LRRC19: variants seen among roughly 807,000 people sequenced by gnomAD.
LRRC19 encodes leucine rich repeat containing 19.
LRRC19 carries 33 observed loss-of-function variants against 33.3 expected under a neutral mutation model. That is an observed-to-expected ratio of 0.99 (90% CI 0.75 to 1.33). The LOEUF is 1.33. LRRC19 is among the 40% of genes most tolerant of loss of function. The probability of loss-of-function intolerance (pLI) is 0.00; values close to 1 mark genes in which losing one functional copy is unlikely to be tolerated. For synonymous variants in LRRC19, 184 were observed against 152.3 expected, an observed-to-expected ratio of 1.21 and a Z score of -1.53; for missense variants, 463 against 417.3, an observed-to-expected ratio of 1.11 and a Z score of -0.95.
In LRRC19 at chr9:26,995,277, C is replaced by CT. The variant is rs1828081986; in HGVS notation, c.*243dup. Reference sequence around the variant, plus strand: ...ACTAGTTCGTATGGTCACCCAAGCACTGCTAAGAATAGTAGTGCTAGTATT... The same window carrying CT: ...ACTAGTTCGTATGGTCACCCAAGCACTTGCTAAGAATAGTAGTGCTAGTATT... On this transcript the variant is annotated 3_prime_UTR_variant, in exon 5 of 5. Coordinates refer to ENST00000380055, the MANE Select transcript of LRRC19 (RefSeq NM_022901.3). The CT allele has an allele frequency of 6.0e-6, 2 of 334,668 alleles. No individual in the cohort carries two copies. The highest frequency in any genetic ancestry group is 4.1e-5 in the African/African-American group (2 of 48,480). 20.7% of individuals were successfully genotyped at this position (334,668 alleles called of 1,614,324 possible).
intron 1 of LRRC19, among the ~76,000 whole-genome samples, chr9:27,003,586 G>A (rs762514790): frequency 6.6e-6 from 1 of 151,874 alleles, no homozygotes; most frequent in South Asian, 2.1e-4. Context: ...AAAGTCTCTC[G>A]CCTCGTTAGC....
intron 1 of LRRC19, among the ~76,000 whole-genome samples, chr9:27,004,820 T>C (rs1305565766): frequency 6.6e-6 from 1 of 152,138 alleles, no homozygotes; most frequent in African/African-American, 2.4e-5. Context: ...CAAAATTACG[T>C]GCATTTTTAC....
chr9:26,996,684 A>C (rs1828176985), intron 3 of LRRC19, among the ~76,000 whole-genome samples, 185 bp from the exon 4 acceptor site: 1 of 152,220 alleles, frequency 6.6e-6, no homozygotes, highest in African/African-American at 2.4e-5. Context: ...TATTTTATAA[A>C]TATGGCTTAA....
At chr9:26,999,231 A>T (rs1056121218) in intron 2 of LRRC19, among the ~76,000 whole-genome samples, 13 of 152,160 alleles carry the variant, frequency 8.5e-5, no homozygotes, top group Non-Finnish European at 1.5e-4. Flanking sequence ...AATAAATAGA[A>T]CTAAGAATAG....
chr9:26,998,013 T>C lies in LRRC19; in HGVS notation c.310A>G (p.Ile104Val). ...ATTACATAGATGGAGTTTCTACAGA[T>C]ATTTAAAATTTCTAGACTGGAGAGG... ...GNLSSLEILNICRNSIYVIQQ... is the reference protein window; with the variant it reads ...GNLSSLEILNVCRNSIYVIQQ... The change falls in exon 3 of 5, where the codon ATC (isoleucine) becomes GTC (valine). Residue 104 changes from isoleucine (I) to valine (V), a missense_variant. Physicochemically the swap from Ile to Val is conservative, Grantham distance 29 (BLOSUM62 3). Transcript: ENST00000380055. The C allele has an allele frequency of 6.2e-7, 1 of 1,613,894 alleles. No homozygotes were observed. Among genetic ancestry groups the C allele is most frequent in the Non-Finnish European group, 8.5e-7 (1 of 1,179,898 alleles).
chr9:26,997,729 T>G lies in LRRC19; in HGVS notation c.594A>C (p.Leu198Phe). 1 of 1,589,522 alleles carries G rather than the reference T, an allele frequency of 6.3e-7. No individual in the cohort carries two copies. Among genetic ancestry groups the G allele is most frequent in the South Asian group, 1.2e-5 (1 of 85,892 alleles). Residue 198 changes from leucine (L) to phenylalanine (F), a missense_variant and splice_region_variant, in exon 3 of 5, where the codon TTA (leucine) becomes TTC (phenylalanine). Transcript: ENST00000380055. ...QNWLNTSNVT[L>F]ENENITMCSY... ...TTTTGCTTAATTATGATAGCTTACC[T>G]AATGTCACATTTGATGTGTTCAACC...
intron 1 of LRRC19, among the ~76,000 whole-genome samples, chr9:26,999,936 A>C (rs1168796858): frequency 6.6e-6 from 1 of 151,850 alleles, no homozygotes; most frequent in Non-Finnish European, 1.5e-5. Flanking sequence ...ATGCCTGGCT[A>C]ATTTTAAAAA....
chr9:26,997,648 A>G, intron 3 of LRRC19, 80 bp downstream of exon 3: 1 of 1,447,370 alleles, frequency 6.9e-7, no homozygotes, highest in South Asian at 1.4e-5. Flanking sequence ...CCTTTTCTTT[A>G]AAACGTGATA....
At position 26,993,999 on chromosome 9, in the gene LRRC19, T is replaced by TTTG. The variant is rs1382875884; in HGVS notation, c.*1521_*1522insCAA. On this transcript the variant is annotated 3_prime_UTR_variant, in exon 5 of 5. Coordinates refer to ENST00000380055, the MANE Select transcript of LRRC19 (RefSeq NM_022901.3). ...CTGTTTGCATTGATAAATTATTAAA[T>TTTG]TGTGATTATAGCCAATTGATTATGA... is the stretch of plus-strand genomic sequence containing the variant. 6.6e-6 allele frequency: 1 copy of TTTG among 152,226 alleles called. No homozygotes were observed. The highest frequency in any genetic ancestry group is 1.5e-5 in the Non-Finnish European group (1 of 68,044). 9.4% of individuals were successfully genotyped at this position (152,226 alleles called of 1,614,324 possible). A position where few individuals can be genotyped will look rare whatever the true frequency, so the allele number is the denominator to read the frequency against.
rs1315988930 is a variant in LRRC19 at position 26,998,216 on chromosome 9, T to C, written c.107A>G (p.Lys36Arg). The C allele has an allele frequency of 1.3e-6, 2 of 1,493,536 alleles. No individual in the cohort carries two copies. The highest frequency in any genetic ancestry group is 1.4e-5 in the South Asian group (1 of 73,834). 92.5% of individuals were successfully genotyped at this position (1,493,536 alleles called of 1,614,324 possible). A position where few individuals can be genotyped will look rare whatever the true frequency, so the allele number is the denominator to read the frequency against. Residue 36 changes from lysine (K) to arginine (R), a missense_variant, in exon 3 of 5, where the codon AAA (lysine) becomes AGA (arginine). Coordinates refer to ENST00000380055, the MANE Select transcript of LRRC19 (RefSeq NM_022901.3). ...KREVQCNFTE[K>R]NYTLIPADIK... ...ATCTGCTGGAATCAAGGTATAATTT[T>C]TTTCAGTAAAATTACATTGGACTTC...
chr9:27,001,315 A>T (rs1282580934), intron 1 of LRRC19, among the ~76,000 whole-genome samples: 1 of 152,056 alleles, frequency 6.6e-6, no homozygotes, highest in East Asian at 1.9e-4. Flanking sequence ...TTTTAAATGT[A>T]TACCCAGTGG....
chr9:26,998,298 C>A, intron 2 of LRRC19, 57 bp from the exon 3 acceptor site: 2 of 1,071,070 alleles, frequency 1.9e-6, no homozygotes. Context: ...TAGAATTTCA[C>A]CAAATTTCAT....
chr9:26,996,522 A>G (rs1828168391), intron 3 of LRRC19, 23 bp from the exon 4 acceptor site: 1 of 1,364,142 alleles, frequency 7.3e-7, no homozygotes, highest in East Asian at 2.6e-5. Context: ...AAAGAATAAG[A>G]TTTAGTATAG....
chr9:27,001,102 C>T (rs1005967959), intron 1 of LRRC19, among the ~76,000 whole-genome samples: 4 of 152,038 alleles, frequency 2.6e-5, no homozygotes, highest in Non-Finnish European at 4.4e-5. Flanking sequence ...TAATGACCTC[C>T]GGTTCCGTTT....
At chr9:27,000,413 A>G (rs920018130) in intron 1 of LRRC19, among the ~76,000 whole-genome samples, 18 of 152,126 alleles carry the variant, frequency 1.2e-4, no homozygotes, top group South Asian at 1.0e-3. Flanking sequence ...GGCATTATCT[A>G]TTGGCATTAT....
At chr9:26,996,608 T>A (rs1360821711) in intron 3 of LRRC19, 109 bp from the exon 4 acceptor site, 1 of 662,476 alleles carries the variant, frequency 1.5e-6, no homozygotes, top group Non-Finnish European at 2.2e-6. Flanking sequence ...CTTAAAGGCA[T>A]TATAAGAAAT....
rs1170964624 is a variant in LRRC19 at position 26,994,536 on chromosome 9, C to CA, written c.*984dup. On this transcript the variant is annotated 3_prime_UTR_variant, in exon 5 of 5. Coordinates refer to ENST00000380055, the MANE Select transcript of LRRC19 (RefSeq NM_022901.3). Reference sequence around the variant, plus strand: ...TGGGAGACAGTGCGAGACTTTGTCTCAAAAAAAAAAAAAAAAAAAAGAAAA... The same window carrying CA: ...TGGGAGACAGTGCGAGACTTTGTCTCAAAAAAAAAAAAAAAAAAAAAGAAAA... 3,172 of 57,658 alleles carry CA rather than the reference C, an allele frequency of 0.055. 50 individuals are homozygous for CA. The highest frequency in any genetic ancestry group is 0.085 in the Middle Eastern group (9 of 106). 3.6% of individuals were successfully genotyped at this position (57,658 alleles called of 1,614,324 possible).
chr9:26,999,717 G>T lies in LRRC19; in HGVS notation c.-9-14C>A. 2.1e-6 allele frequency: 3 copies of T among 1,455,242 alleles called. No individual in the cohort carries two copies. Among genetic ancestry groups the T allele is most frequent in the Non-Finnish European group, 2.8e-6 (3 of 1,065,142 alleles). The allele number at this position is 1,455,242 out of a possible 1,614,324, so 90.1% of individuals were successfully genotyped here. On this transcript the variant is annotated splice_polypyrimidine_tract_variant and intron_variant, in intron 1 of 4. Coordinates refer to ENST00000380055, the MANE Select transcript of LRRC19 (RefSeq NM_022901.3). The stretch of plus-strand genomic sequence containing the variant: ...CATGTTGCAGACCTGATAGAAAAGA[G>T]AGTATTTTCATTAAGGACATTTTTA...
intron 3 of LRRC19, 78 bp from the exon 4 acceptor site, chr9:26,996,577 AT>A (rs1294559868): frequency 5.8e-6 from 6 of 1,030,684 alleles, no homozygotes; most frequent in African/African-American, 3.3e-5. Flanking sequence ...TTTATCTAGA[AT>A]TTTTGACATA....
Sources: allele counts gnomAD v4.1 joint callset (sites outside exome capture counted in the v4.1 genomes callset), GRCh38; gene constraint gnomAD v4.1.1; transcripts MANE v1.5; gene names NCBI Gene and HGNC (gene_info 2026-07-23, HGNC 2026-07-21).